FAM83A: variants seen among roughly 807,000 people sequenced by gnomAD.
FAM83A encodes protein FAM83A.
In FAM83A, 21 loss-of-function variants were observed where a neutral mutation model predicts 24.4. The ratio of observed to expected loss-of-function variants is 0.86; its 90% CI spans 0.61 to 1.24. The LOEUF is 1.24. FAM83A is among the 50% of genes most tolerant of loss of function. The pLI is 0.00. For missense variants in FAM83A, 617 were observed against 579.8 expected (o/e 1.06, Z -0.66); for synonymous variants, 270 against 252.4 (o/e 1.07, Z -0.66).
chr8:123,180,946 T>C (rs560564024), upstream of FAM83A, among the ~76,000 whole-genome samples: 4 of 152,146 alleles, frequency 2.6e-5, no homozygotes, highest in East Asian at 7.7e-4. Flanking sequence ...TATTTTATTT[T>C]ATTATTTTAT....
At chr8:123,202,000 G>A (rs1824374647) in intron 3 of FAM83A, 1 of 152,308 alleles carries the variant, frequency 6.6e-6, no homozygotes, top group East Asian at 1.9e-4. Context: ...GGAAGAGGCA[G>A]GCAAAATTGG....
intron 1 of FAM83A, among the ~76,000 whole-genome samples, chr8:123,183,790 G>T: frequency 6.6e-6 from 1 of 151,126 alleles, no homozygotes; most frequent in Admixed American, 6.6e-5. Context: ...CCAACTCCCG[G>T]GTTCAAGCGA....
chr8:123,182,835 G>A (rs758554435), exon 1 of FAM83A: 3 of 1,518,040 alleles, frequency 2.0e-6, no homozygotes, highest in Non-Finnish European at 2.6e-6. Flanking sequence ...GCCTCCCCCA[G>A]CACCACCCAG....
intron 3 of FAM83A, among the ~76,000 whole-genome samples, chr8:123,196,271 C>G (rs536284009): frequency 6.6e-6 from 1 of 152,370 alleles, no homozygotes; most frequent in Non-Finnish European, 1.5e-5. Context: ...CTCAGCCCCC[C>G]AAAGTGCAGG....
At chr8:123,208,027 G>A in exon 4 of FAM83A, 2 of 1,111,552 alleles carry the variant, frequency 1.8e-6, no homozygotes, top group Non-Finnish European at 1.1e-6. Flanking sequence ...GTAAGAAGCA[G>A]GAAATGCAGC....
At chr8:123,182,761 G>C (rs190150841) in exon 1 of FAM83A, 1 of 1,488,600 alleles carries the variant, frequency 6.7e-7, no homozygotes, top group East Asian at 2.4e-5. Flanking sequence ...CCGGGGGTGC[G>C]GGAGCCCCAC....
exon 4 of FAM83A, chr8:123,207,660 C>A (rs867063395): frequency 3.9e-6 from 6 of 1,530,650 alleles, no homozygotes; most frequent in Non-Finnish European, 5.2e-6. Context: ...ACCTGGAGGC[C>A]CTTCCTGCAG....
In FAM83A at chr8:123,194,182, A is replaced by T. The variant is rs201483966; in HGVS notation, c.773+34A>T. ...TGGATTCATCTCCTGTCAAGGATTC[A>T]TGGAGAACAAGGGCTGAGTGAGGTG... On this transcript the variant is annotated intron_variant, in intron 3 of 3. Transcript: ENST00000690554. 8.1e-6 allele frequency: 13 copies of T among 1,612,254 alleles called. No individual in the cohort carries two copies. In the East Asian group the frequency reaches 2.5e-4, roughly 30 times the overall value.
intron 3 of FAM83A, among the ~76,000 whole-genome samples, chr8:123,194,917 A>G (rs538154719): frequency 6.6e-4 from 100 of 152,312 alleles, no homozygotes; most frequent in African/African-American, 2.4e-3. Context: ...ATAGACTCCT[A>G]CATCCAAATG....
At chr8:123,204,528 C>T (rs1563789422) in intron 3 of FAM83A, among the ~76,000 whole-genome samples, 2 of 151,984 alleles carry the variant, frequency 1.3e-5, no homozygotes, top group Non-Finnish European at 2.9e-5. Context: ...TTTGGGAGGC[C>T]GAGGCGGGTG....
intron 1 of FAM83A, among the ~76,000 whole-genome samples, chr8:123,187,883 C>G (rs1382314198): frequency 6.6e-6 from 1 of 151,884 alleles, no homozygotes; most frequent in Non-Finnish European, 1.5e-5. Context: ...TTTTCTGAGA[C>G]TGAGTCTCGC....
exon 4 of FAM83A, chr8:123,208,200 ACTC>A (rs1227587953): frequency 3.0e-6 from 3 of 986,236 alleles, no homozygotes; most frequent in African/African-American, 3.5e-5. Context: ...AGTTGGGGAA[ACTC>A]CTCCTCTTAG....
chr8:123,196,449 T>C (rs1824156722), intron 3 of FAM83A, among the ~76,000 whole-genome samples: 1 of 152,268 alleles, frequency 6.6e-6, no homozygotes, highest in South Asian at 2.1e-4. Flanking sequence ...TTTCCCCTTT[T>C]GTGTTTGCAG....
exon 4 of FAM83A, chr8:123,207,695 C>G: frequency 6.8e-7 from 1 of 1,474,010 alleles, no homozygotes; most frequent in Non-Finnish European, 9.0e-7. Flanking sequence ...CTGAAGGTCC[C>G]ATCCCCTGCT....
chr8:123,209,069 A>C lies in FAM83A; in HGVS notation c.*1381A>C. On this transcript the variant is annotated 3_prime_UTR_variant, in exon 4 of 4. Transcript: ENST00000690554. This position sits in a 1 kb window ranked among gnomAD's most constrained non-coding sequence, Gnocchi z 4.7. ...CAGATAAAGTAAGAGTTAACCCTGC[A>C]CCTCAGGTGTGATAGTGGGGTCAGT... The C allele has an allele frequency of 1.0e-6, 1 of 1,002,076 alleles. No individual in the cohort carries two copies. Among genetic ancestry groups the C allele is most frequent in the Non-Finnish European group, 1.2e-6 (1 of 841,208 alleles). The allele number at this position is 1,002,076 out of a possible 1,614,324, so 62.1% of individuals were successfully genotyped here.
intron 3 of FAM83A, among the ~76,000 whole-genome samples, chr8:123,203,552 C>T (rs188864497): frequency 1.5e-5 from 2 of 135,516 alleles, no homozygotes; most frequent in African/African-American, 2.8e-5. Flanking sequence ...CAAGCCACTG[C>T]ACTCCAGCCT....
At chr8:123,192,526 G>C (rs1035711045) in intron 2 of FAM83A, among the ~76,000 whole-genome samples, 1 of 152,178 alleles carries the variant, frequency 6.6e-6, no homozygotes, top group Admixed American at 6.5e-5. Flanking sequence ...CAGCGATAAG[G>C]GTTTGATTCA....
At chr8:123,186,832 CA>C (rs1294061178) in intron 1 of FAM83A, among the ~76,000 whole-genome samples, 3 of 152,030 alleles carry the variant, frequency 2.0e-5, no homozygotes, top group Admixed American at 2.0e-4. Flanking sequence ...TACTCTGTCT[CA>C]AAAAAACACT....
intron 3 of FAM83A, 121 bp downstream of exon 3, chr8:123,194,269 G>T: frequency 7.2e-7 from 1 of 1,391,260 alleles, no homozygotes; most frequent in Non-Finnish European, 9.8e-7. Flanking sequence ...GTCTCCCTCT[G>T]CCCGGAGCTG....
Sources: allele counts gnomAD v4.1 joint callset (sites outside exome capture counted in the v4.1 genomes callset), GRCh38; gene constraint gnomAD v4.1.1; non-coding constraint Gnocchi (gnomAD v3.1); transcripts MANE v1.5; gene names NCBI Gene and HGNC (gene_info 2026-07-23, HGNC 2026-07-21).